Variants in TGM5 observed in about 807,000 individuals in gnomAD.
The protein encoded by TGM5 is transglutaminase 5.
In TGM5, 69 loss-of-function variants were observed where a neutral mutation model predicts 77.2. That is an observed-to-expected ratio of 0.89 (90% CI 0.74 to 1.09). The LOEUF is 1.09. Among genes scored for constraint, TGM5 ranks in the 50% least tolerant of loss-of-function variants. TGM5 has a pLI of 0.00. For missense variants in TGM5, 842 were observed against 896.5 expected (o/e 0.94, Z 0.78); for synonymous variants, 346 against 351.8 (o/e 0.98, Z 0.18).
intron 6 of TGM5, among the ~76,000 whole-genome samples, chr15:43,242,698 G>A (rs2042645040): frequency 6.6e-6 from 1 of 152,236 alleles, no homozygotes. Flanking sequence ...GAAGCCCAAA[G>A]GGAGCCTTGA....
chr15:43,246,149 A>G (rs2042668914), intron 6 of TGM5, among the ~76,000 whole-genome samples: 1 of 152,184 alleles, frequency 6.6e-6, no homozygotes, highest in African/African-American at 2.4e-5. Flanking sequence ...CAACAATACA[A>G]TGAAGCCCTC....
intron 6 of TGM5, among the ~76,000 whole-genome samples, chr15:43,244,955 G>A (rs2042660944): frequency 1.3e-5 from 2 of 152,152 alleles, no homozygotes; most frequent in Non-Finnish European, 2.9e-5. Context: ...TGTGGTCCCA[G>A]CTACTCAGGA....
At chr15:43,252,657 C>T in intron 6 of TGM5, 102 bp downstream of exon 6, 1 of 1,446,492 alleles carries the variant, frequency 6.9e-7, no homozygotes, top group Non-Finnish European at 9.6e-7. Flanking sequence ...CCAAATGTCC[C>T]TTGGTGGGAA....
At chr15:43,256,240 A>G (rs1038584401) in intron 4 of TGM5, among the ~76,000 whole-genome samples, 1 of 152,170 alleles carries the variant, frequency 6.6e-6, no homozygotes, top group Non-Finnish European at 1.5e-5. Context: ...AAACAGTTTA[A>G]TGAACCAAAA....
rs758326144 is a variant in TGM5 at position 43,233,254 on chromosome 15, C to T, written c.2100G>A (p.Met700Ile). ...TAATGTCCTTAAACTTGTTGCTTCT[C>T]ATATTAGCTTGGATCTGCCTTTGTC... Reference protein sequence around the residue: ...KSGQRQIQANMRSNKFKDIKG... With the variant: ...KSGQRQIQANIRSNKFKDIKG... The change falls in exon 13 of 13, where the codon ATG becomes ATA. Residue 700 changes from methionine (M) to isoleucine (I), a missense_variant. By Grantham distance (10) the Met-to-Ile change is conservative. Transcript: ENST00000220420. 2 of 1,614,108 alleles carry T rather than the reference C, an allele frequency of 1.2e-6. No individual in the cohort carries two copies. The highest frequency in any genetic ancestry group is 2.7e-5 in the African/African-American group (2 of 74,934).
Position 43,260,502 on chromosome 15 carries a change from G to C in TGM5, c.88C>G (p.His30Asp). 6.2e-7 allele frequency: 1 copy of C among 1,614,174 alleles called. No homozygotes were observed. Among genetic ancestry groups the C allele is most frequent in the East Asian group, 2.2e-5 (1 of 44,880 alleles). Residue 30 changes from histidine (H) to aspartate (D), a missense_variant, in exon 2 of 13, where the codon CAC (histidine) becomes GAC (aspartate). By Grantham distance (81) the His-to-Asp change is moderately conservative. Coordinates refer to ENST00000220420, the MANE Select transcript of TGM5 (RefSeq NM_201631.4). ...GCCTGGCCCCGGCGAACAAGCAGGT[G>C]GTCCACAGTGATCTCCTCCGTGTGG... ...RHHTEEITVD[H>D]LLVRRGQAFN...
rs1038987369 is a variant in TGM5, at chr15:43,232,878, G to A, written c.*313C>T. Reference sequence around the variant, plus strand: ...TGGTCCAGGGAAATATCCATCCATAGACATTTCCTACCTGTTCTCTGGATG... The same window carrying A: ...TGGTCCAGGGAAATATCCATCCATAAACATTTCCTACCTGTTCTCTGGATG... On this transcript the variant is annotated 3_prime_UTR_variant, in exon 13 of 13. Coordinates refer to ENST00000220420, the MANE Select transcript of TGM5 (RefSeq NM_201631.4). 15 of 373,640 alleles carry A rather than the reference G, an allele frequency of 4.0e-5. No individual in the cohort carries two copies. The highest frequency in any genetic ancestry group is 6.6e-5 in the Non-Finnish European group (13 of 197,858). 23.1% of individuals were successfully genotyped at this position (373,640 alleles called of 1,614,324 possible).
In TGM5 at chr15:43,235,526, T is replaced by C. The variant is rs1468248225; in HGVS notation, c.1657A>G (p.Ser553Gly). The C allele has an allele frequency of 1.2e-6, 2 of 1,614,068 alleles. No individual in the cohort carries two copies. The highest frequency in any genetic ancestry group is 1.7e-6 in the Non-Finnish European group (2 of 1,180,006). Residue 553 changes from serine to glycine, a missense_variant, in exon 10 of 13, where the codon AGC (serine) becomes GGC (glycine). Transcript: ENST00000220420. ...LSAQSLLHDG[S>G]PLSPFWQDTA... The stretch of plus-strand genomic sequence containing the variant: ...TCCTGCCAGAATGGGGACAGGGGGC[T>C]GCCATCGTGCAGCAGAGACTGGGCA...
At chr15:43,247,809 A>G (rs1174258449) in intron 6 of TGM5, 1 of 152,228 alleles carries the variant, frequency 6.6e-6, no homozygotes. Context: ...AACTATATAC[A>G]TATGCATGCA....
rs1566837536 is a variant in TGM5 at position 43,261,097 on chromosome 15, T to TG, written c.11-519_11-518insC. Among the ~76,000 whole-genome samples, 677 of 97,386 alleles carry TG rather than the reference T, an allele frequency of 7.0e-3. 23 individuals are homozygous for TG. Among genetic ancestry groups the TG allele is most frequent in the African/African-American group, 0.032 (623 of 19,612 alleles). 63.9% of individuals were successfully genotyped at this position (97,386 alleles called of 152,430 possible). On this transcript the variant is annotated intron_variant, in intron 1 of 12. Transcript: ENST00000220420. Reference sequence around the variant, plus strand: ...GTGTGTTTTTTTTTTTTTTTTTTTTTTTTTTTTTTTGAGACAGAGTCTCAC... The same window carrying TG: ...GTGTGTTTTTTTTTTTTTTTTTTTTTGTTTTTTTTTTGAGACAGAGTCTCAC...
chr15:43,264,286 T>TATAC (rs577778326), intron 1 of TGM5, among the ~76,000 whole-genome samples: 55 of 152,268 alleles, frequency 3.6e-4, no homozygotes, highest in Non-Finnish European at 7.4e-4. Flanking sequence ...TCCCCAGGTA[T>TATAC]ATACCCAAGA....
At chr15:43,259,452 T>TA (rs879743936) in intron 3 of TGM5, among the ~76,000 whole-genome samples, 106 of 138,162 alleles carry the variant, frequency 7.7e-4, no homozygotes, top group East Asian at 1.0e-3. Flanking sequence ...ATTGTTAAAT[T>TA]AAAAAAAAAA....
intron 9 of TGM5, among the ~76,000 whole-genome samples, chr15:43,236,197 T>C (rs1411773771): frequency 1.3e-5 from 2 of 152,066 alleles, no homozygotes; most frequent in African/African-American, 4.8e-5. Context: ...CTAAAACCCG[T>C]GCCTGTGACC....
intron 3 of TGM5, among the ~76,000 whole-genome samples, chr15:43,259,326 G>T (rs28445909): frequency 6.6e-6 from 1 of 151,410 alleles, no homozygotes; most frequent in Non-Finnish European, 1.5e-5. Context: ...AAAAAAAACC[G>T]GAAACAGCTA....
Position 43,239,218 on chromosome 15 carries a change from G to A in TGM5, c.1050C>T (p.Pro350=), listed in dbSNP as rs915663448. 5 of 1,614,016 alleles carry A rather than the reference G, an allele frequency of 3.1e-6. No individual in the cohort carries two copies. Among genetic ancestry groups the A allele is most frequent in the Middle Eastern group, 1.6e-4 (1 of 6,084 alleles). Residue 350 remains proline, a synonymous_variant, in exon 8 of 13, where the codon CCC becomes CCT. Transcript: ENST00000220420. Reference sequence around the variant, plus strand: ...GCACCTGCCAGCCTCCATATGCAGGGGGCAGATCCTTCCGGGCCATCCAGC... The same window carrying A: ...GCACCTGCCAGCCTCCATATGCAGGAGGCAGATCCTTCCGGGCCATCCAGC... ...NECWMARKDL[P]PAYGGWQVLD... is the part of the protein sequence containing the mutation.
chr15:43,233,760 T>C lies in TGM5; in HGVS notation c.1876-73A>G, dbSNP rs1379079968. On this transcript the variant is annotated intron_variant, in intron 11 of 12. Transcript: ENST00000220420. ...CACCAGATATTTACGAAGGGCACCA[T>C]TCTGTAAGGTGGCAGGATATGCCAC... The C allele has an allele frequency of 1.9e-6, 3 of 1,575,712 alleles. No individual in the cohort carries two copies. The African/African-American group carries it at 4.1e-5, about 21-fold the overall frequency.
At chr15:43,256,024 A>G (rs746548377) in intron 4 of TGM5, among the ~76,000 whole-genome samples, 3 of 152,216 alleles carry the variant, frequency 2.0e-5, no homozygotes, top group Non-Finnish European at 4.4e-5. Flanking sequence ...AACTTTCATA[A>G]TTAAAAAGAT....
In TGM5 at chr15:43,252,850, GC is replaced by G. The variant is rs2042715052; in HGVS notation, c.770del (p.Gly257AlafsTer6). 1 of 1,613,964 alleles carries G rather than the reference GC, an allele frequency of 6.2e-7. No individual in the cohort carries two copies. Among genetic ancestry groups the G allele is most frequent in the Non-Finnish European group, 8.5e-7 (1 of 1,180,026 alleles). On this transcript the variant is annotated frameshift_variant, in exon 6 of 13. Coordinates refer to ENST00000220420, the MANE Select transcript of TGM5 (RefSeq NM_201631.4). LOFTEE classifies it high-confidence loss of function. ...TCCACTGCTTCAGGATGGCCACGCT[GC>G]CCGTCCACTCCGCAGGGTTGGCGCC... Reference protein sequence around the residue: ...TDGANPAEWTGSVAILKQWNA... With the variant: ...TDGANPAEWTXSVAILKQWNA...
intron 6 of TGM5, chr15:43,241,262 C>T (rs577833309): frequency 2.8e-4 from 140 of 504,392 alleles, no homozygotes; most frequent in South Asian, 1.5e-3. Context: ...GCTCTGCTTA[C>T]GCCAGGAGGG....
Sources: gnomAD v4.1 joint callset for allele counts (sites outside exome capture counted in the v4.1 genomes callset) on GRCh38, gnomAD v4.1.1 for gene constraint, MANE v1.5 for transcripts, NCBI Gene and HGNC (gene_info 2026-07-23, HGNC 2026-07-21) for gene names.